The following TSHR variants were observed in gnomAD, a reference collection of about 807,000 sequenced individuals.
TSHR encodes thyrotropin receptor.
In TSHR, 51 loss-of-function variants were observed where a neutral mutation model predicts 64.1. The ratio of observed to expected loss-of-function variants is 0.80; its 90% CI spans 0.64 to 1.01. The LOEUF (loss-of-function observed/expected upper bound fraction) is 1.01. Among genes scored for constraint, TSHR ranks in the 50% least tolerant of loss-of-function variants. The pLI is 0.00. For synonymous variants in TSHR, 361 were observed against 361.9 expected (o/e 1.00, Z 0.03); for missense variants, 877 against 942.8 (o/e 0.93, Z 0.91).
chr14:81,069,682 G>T (rs1886920689), intron 3 of TSHR, among the ~76,000 whole-genome samples: 2 of 152,134 alleles, frequency 1.3e-5, no homozygotes, highest in South Asian at 2.1e-4. Context: ...CCAGGATTTT[G>T]GTTGAGATCA....
intron 1 of TSHR, chr14:81,050,316 AAAC>A (rs898589063): frequency 6.6e-6 from 1 of 152,196 alleles, no homozygotes; most frequent in African/African-American, 2.4e-5. Flanking sequence ...TTTTTGTATG[AAAC>A]AACAATACTA....
intron 3 of TSHR, chr14:81,087,742 A>AC (rs1888389015): frequency 1.6e-6 from 1 of 610,780 alleles, no homozygotes; most frequent in Admixed American, 2.5e-5. Context: ...CCAACAATGC[A>AC]AAAGAGCTGA....
intron 3 of TSHR, among the ~76,000 whole-genome samples, chr14:81,081,114 T>C (rs1322562629): frequency 6.6e-6 from 1 of 152,118 alleles, no homozygotes; most frequent in African/African-American, 2.4e-5. Flanking sequence ...GATTTGAGGC[T>C]GTAGTGCACT....
At chr14:81,134,717 C>A (rs1056040987) in intron 8 of TSHR, among the ~76,000 whole-genome samples, 1 of 151,998 alleles carries the variant, frequency 6.6e-6, no homozygotes, top group Non-Finnish European at 1.5e-5. Context: ...GTCTGATGGA[C>A]CAGGAGGTGC....
chr14:81,142,019 T>G (rs539141346), intron 9 of TSHR, among the ~76,000 whole-genome samples: 142 of 152,278 alleles, frequency 9.3e-4, no homozygotes, highest in African/African-American at 3.3e-3. Flanking sequence ...CCAAACTTCA[T>G]GGGCCTACCC....
At chr14:81,130,621 T>C (rs1362201862) in intron 8 of TSHR, among the ~76,000 whole-genome samples, 2 of 152,220 alleles carry the variant, frequency 1.3e-5, no homozygotes, top group African/African-American at 2.4e-5. Flanking sequence ...TATCCACTTG[T>C]ATGGATTTAC....
At chr14:80,989,103 C>A (rs1437239004) in intron 1 of TSHR, among the ~76,000 whole-genome samples, 2 of 152,180 alleles carry the variant, frequency 1.3e-5, no homozygotes, top group Non-Finnish European at 2.9e-5. Flanking sequence ...CTTCTCTTTT[C>A]CCCATTGTCC....
At chr14:81,008,325 A>G (rs973228823) in intron 1 of TSHR, among the ~76,000 whole-genome samples, 1 of 151,408 alleles carries the variant, frequency 6.6e-6, no homozygotes, top group Non-Finnish European at 1.5e-5. Context: ...GGCGCCCCCC[A>G]CCACGCCCGG....
intron 8 of TSHR, among the ~76,000 whole-genome samples, chr14:81,120,617 C>T (rs190833964): frequency 7.9e-4 from 120 of 152,230 alleles, no homozygotes; most frequent in African/African-American, 2.6e-3. Flanking sequence ...TAATGTCATC[C>T]GCACTCAGAA....
At chr14:81,104,257 G>A in intron 7 of TSHR, 2 of 985,378 alleles carry the variant, frequency 2.0e-6, no homozygotes, top group Non-Finnish European at 2.4e-6. Flanking sequence ...GTAGGCAGGG[G>A]GTCCCTTTAA....
At chr14:81,139,121 A>G (rs1891574867) in intron 8 of TSHR, among the ~76,000 whole-genome samples, 1 of 152,172 alleles carries the variant, frequency 6.6e-6, no homozygotes, top group African/African-American at 2.4e-5. Flanking sequence ...TCTTCTAAAG[A>G]CACTGGAGTG....
At chr14:80,999,415 C>T (rs1889190949) in intron 1 of TSHR, among the ~76,000 whole-genome samples, 1 of 152,140 alleles carries the variant, frequency 6.6e-6, no homozygotes, top group Non-Finnish European at 1.5e-5. Context: ...ATTCTGTATA[C>T]CACATGATCC....
At chr14:81,091,663 T>A (rs1023842601) in intron 5 of TSHR, among the ~76,000 whole-genome samples, 1 of 152,264 alleles carries the variant, frequency 6.6e-6, no homozygotes, top group Non-Finnish European at 1.5e-5. Context: ...TTCCCACACA[T>A]GACATTTGCT....
Position 80,955,622 on chromosome 14 carries a change from C to G in TSHR, c.-59C>G. ...CTTTGGCCTGGGGTAACCCGAGGTGCAGAGCTGAGAATGAGGCGATTTCGG... is the reference window on the plus strand; with the variant it reads ...CTTTGGCCTGGGGTAACCCGAGGTGGAGAGCTGAGAATGAGGCGATTTCGG... On this transcript the variant is annotated 5_prime_UTR_variant, in exon 1 of 10. Transcript: ENST00000298171. 1.9e-6 allele frequency: 3 copies of G among 1,604,648 alleles called. No individual in the cohort carries two copies. In the South Asian group the frequency reaches 3.3e-5, roughly 18 times the overall value.
intron 1 of TSHR, among the ~76,000 whole-genome samples, chr14:80,981,388 G>A (rs1314187562): frequency 2.0e-5 from 3 of 152,126 alleles, no homozygotes; most frequent in Non-Finnish European, 2.9e-5. Context: ...ACGACTCTTT[G>A]CCATTCAGAT....
At chr14:80,991,776 C>T (rs1237190569) in intron 1 of TSHR, 3 of 388,036 alleles carry the variant, frequency 7.7e-6, no homozygotes, top group Non-Finnish European at 9.1e-6. Context: ...GCTGACCTAG[C>T]AGTGGCAAAG....
At chr14:81,079,039 G>A (rs1017009400) in intron 3 of TSHR, 2 of 152,180 alleles carry the variant, frequency 1.3e-5, no homozygotes, top group Non-Finnish European at 2.9e-5. Context: ...AGTTAACAAT[G>A]GGTAAAGGCA....
chr14:81,015,564 T>C (rs1170906481), intron 1 of TSHR, among the ~76,000 whole-genome samples: 3 of 152,172 alleles, frequency 2.0e-5, no homozygotes, highest in African/African-American at 7.2e-5. Context: ...AATATGTATA[T>C]ATCGTAGAAT....
At chr14:80,967,917 G>C (rs1042467006) in intron 1 of TSHR, among the ~76,000 whole-genome samples, 1 of 152,150 alleles carries the variant, frequency 6.6e-6, no homozygotes, top group Admixed American at 6.5e-5. Context: ...ACAAATGGTT[G>C]CTGAAACCCC....
Sources: allele counts gnomAD v4.1 joint callset (sites outside exome capture counted in the v4.1 genomes callset), GRCh38; gene constraint gnomAD v4.1.1; transcripts MANE v1.5; gene names NCBI Gene and HGNC (gene_info 2026-07-23, HGNC 2026-07-21).